APBB2: variants seen among roughly 807,000 people sequenced by gnomAD.
The protein encoded by APBB2 is amyloid beta precursor protein binding family B member 2, also known as Fe65-like 1.
Under a neutral mutation model 82.5 loss-of-function variants are expected in APBB2, and 38 were observed. The observed-to-expected ratio is 0.46, with a 90% confidence interval of 0.36 to 0.60. APBB2 has a LOEUF of 0.60. APBB2 is among the 20% of genes least tolerant of loss of function. The pLI is 0.00. For missense variants in APBB2, 772 were observed against 972.3 expected (o/e 0.79, Z 2.74); for synonymous variants, 341 against 368.2 (o/e 0.93, Z 0.85).
intron 3 of APBB2, among the ~76,000 whole-genome samples, chr4:41,068,692 G>A (rs1732775822): frequency 1.3e-5 from 2 of 151,778 alleles, no homozygotes; most frequent in East Asian, 1.9e-4. Context: ...CAAAAGATCT[G>A]GAAGATGTCT....
At chr4:40,913,667 G>C (rs1779129157) in intron 10 of APBB2, among the ~76,000 whole-genome samples, 1 of 152,176 alleles carries the variant, frequency 6.6e-6, no homozygotes, top group African/African-American at 2.4e-5. Context: ...AGCTGAGGTT[G>C]AGCTAAGTGA....
chr4:40,960,151 TG>T (rs1792697410), intron 6 of APBB2, among the ~76,000 whole-genome samples: 1 of 152,058 alleles, frequency 6.6e-6, no homozygotes, highest in African/African-American at 2.4e-5. Flanking sequence ...AGACTATGGA[TG>T]GGGAGGAGGA....
intron 6 of APBB2, among the ~76,000 whole-genome samples, chr4:40,987,952 T>C (rs1800838024): frequency 6.6e-6 from 1 of 152,212 alleles, no homozygotes; most frequent in Non-Finnish European, 1.5e-5. Flanking sequence ...ATGAGATTTT[T>C]ATATTCAAAC....
rs758703402 is a variant in APBB2 at position 40,890,394 on chromosome 4, C to T, written c.1499G>A (p.Arg500His). ...ATTGTCGCGGCCCACGCCCCACACG[C>T]GGATGCTGACGATGGGCTGCGAGTG... Reference protein sequence around the residue: ...VLHSQPIVSIRVWGVGRDNGR... With the variant: ...VLHSQPIVSIHVWGVGRDNGR... Residue 500 changes from arginine (R) to histidine (H), a missense_variant, in exon 12 of 18, where the codon CGC becomes CAC. By Grantham distance (29) the Arg-to-His change is conservative. Coordinates refer to ENST00000508593, the MANE Select transcript of APBB2 (RefSeq NM_004307.2). 7 of 1,613,502 alleles carry T rather than the reference C, an allele frequency of 4.3e-6. No individual in the cohort carries two copies. The highest frequency in any genetic ancestry group is 1.3e-5 in the African/African-American group (1 of 74,926).
chr4:41,153,478 A>G lies in APBB2; in HGVS notation c.-416-10336T>C, dbSNP rs1762758075. On this transcript the variant is annotated intron_variant, in intron 1 of 17. Coordinates refer to ENST00000508593, the MANE Select transcript of APBB2 (RefSeq NM_004307.2). The stretch of plus-strand genomic sequence containing the variant: ...TCTGCAACCCAAAATTACAGGTACC[A>G]GTGACCCTTCTCTTTCCCCTACTAT... Among the ~76,000 whole-genome samples the G allele has an allele frequency of 2.6e-5, 4 of 152,184 alleles. No individual in the cohort carries two copies. The South Asian group carries it at 8.3e-4, about 32-fold the overall frequency.
intron 1 of APBB2, among the ~76,000 whole-genome samples, chr4:41,200,334 C>A (rs556812528): frequency 1.3e-5 from 2 of 151,956 alleles, no homozygotes; most frequent in South Asian, 4.2e-4. Flanking sequence ...ACAGGTTATT[C>A]CAAAGGATAA....
intron 6 of APBB2, among the ~76,000 whole-genome samples, chr4:40,962,945 C>T (rs371287436): frequency 6.6e-5 from 10 of 152,184 alleles, no homozygotes; most frequent in East Asian, 3.8e-4. Flanking sequence ...ATGAGAAAAA[C>T]GCTCTTGAAG....
chr4:41,037,718 A>C (rs7674811), intron 4 of APBB2, among the ~76,000 whole-genome samples: 47,324 of 152,020 alleles, frequency 0.31, 7,866 homozygotes, highest in East Asian at 0.55. Flanking sequence ...GAATGTAGAC[A>C]AATTCAAAAC....
At chr4:40,911,480 T>C (rs1434426363) in intron 10 of APBB2, among the ~76,000 whole-genome samples, 1 of 152,216 alleles carries the variant, frequency 6.6e-6, no homozygotes, top group Non-Finnish European at 1.5e-5. Flanking sequence ...CCTAGTGATA[T>C]AAAAGTCATA....
At chr4:40,936,156 T>C (rs1310724152) in intron 7 of APBB2, among the ~76,000 whole-genome samples, 1 of 152,232 alleles carries the variant, frequency 6.6e-6, no homozygotes, top group Non-Finnish European at 1.5e-5. Flanking sequence ...TAATGACCCA[T>C]AACTTTTACT....
At chr4:40,846,387 G>T (rs999274361) in intron 12 of APBB2, among the ~76,000 whole-genome samples, 29 of 151,698 alleles carry the variant, frequency 1.9e-4, no homozygotes, top group Admixed American at 5.2e-4. Context: ...TTTTGGAAGG[G>T]GGCAGAGCTG....
chr4:40,901,804 C>T (rs1018361671), intron 10 of APBB2, among the ~76,000 whole-genome samples: 2 of 152,098 alleles, frequency 1.3e-5, no homozygotes, highest in African/African-American at 2.4e-5. Context: ...CGTGAGCCAC[C>T]GCGCTCGGCC....
intron 1 of APBB2, among the ~76,000 whole-genome samples, chr4:41,207,196 C>A (rs13108626): frequency 0.14 from 9,878 of 70,436 alleles, 534 homozygotes; most frequent in Middle Eastern, 0.2. Context: ...GAGACTCCGT[C>A]TCAAAAAAAA....
At chr4:40,967,244 T>C (rs1214516233) in intron 6 of APBB2, among the ~76,000 whole-genome samples, 1 of 152,154 alleles carries the variant, frequency 6.6e-6, no homozygotes, top group Non-Finnish European at 1.5e-5. Context: ...TTGCTCACCC[T>C]CTACTTGTCT....
chr4:41,049,434 C>A (rs1021063829), intron 4 of APBB2, among the ~76,000 whole-genome samples: 9 of 151,048 alleles, frequency 6.0e-5, no homozygotes, highest in African/African-American at 1.9e-4. Context: ...CAGCCCCGCC[C>A]GGCCAGCCAA....
At chr4:41,108,100 G>A (rs890268990) in intron 2 of APBB2, among the ~76,000 whole-genome samples, 1 of 152,174 alleles carries the variant, frequency 6.6e-6, no homozygotes, top group Non-Finnish European at 1.5e-5. Flanking sequence ...AACTAACTCA[G>A]ATGGTTCAGC....
At chr4:40,836,924 C>T (rs888626595) in intron 12 of APBB2, among the ~76,000 whole-genome samples, 1 of 152,232 alleles carries the variant, frequency 6.6e-6, no homozygotes, top group African/African-American at 2.4e-5. Context: ...TATATCCCAT[C>T]AGCTGGCTTC....
intron 6 of APBB2, among the ~76,000 whole-genome samples, chr4:41,011,888 A>T (rs931792450): frequency 6.6e-6 from 1 of 152,094 alleles, no homozygotes; most frequent in Non-Finnish European, 1.5e-5. Flanking sequence ...TTTGAAACAG[A>T]GTCTCGCTCG....
At chr4:40,879,263 C>T (rs367815055) in intron 12 of APBB2, among the ~76,000 whole-genome samples, 16 of 151,980 alleles carry the variant, frequency 1.1e-4, no homozygotes, top group African/African-American at 3.1e-4. Context: ...AGCAGGAACT[C>T]TTGGCTCCCA....
Sources: allele counts gnomAD v4.1 joint callset (sites outside exome capture counted in the v4.1 genomes callset), GRCh38; gene constraint gnomAD v4.1.1; transcripts MANE v1.5; gene names NCBI Gene and HGNC (gene_info 2026-07-23, HGNC 2026-07-21).